Variants in P2RY12 observed in about 807,000 individuals in gnomAD.
The protein encoded by P2RY12 is purinergic receptor P2Y12, also known as P2Y purinoceptor 12.
In P2RY12, 3 loss-of-function variants were observed where a neutral mutation model predicts 4.5. The ratio of observed to expected loss-of-function variants is 0.67; its 90% confidence interval spans 0.31 to 1.74. The LOEUF is 1.74. Among genes scored for constraint, P2RY12 ranks in the 40% most tolerant of loss-of-function variants. The probability of loss-of-function intolerance (pLI) is 0.09; values close to 1 mark genes in which losing one functional copy is unlikely to be tolerated. For missense variants in P2RY12, 356 were observed against 407.8 expected, an observed-to-expected ratio of 0.87 and a Z score of 1.09; for synonymous variants, 148 against 154.1, an observed-to-expected ratio of 0.96 and a Z score of 0.29.
chr3:151,379,553 A>G (rs1453725005), intron 1 of P2RY12, among the ~76,000 whole-genome samples: 1 of 152,202 alleles, frequency 6.6e-6, no homozygotes, highest in African/African-American at 2.4e-5. Flanking sequence ...GCTGCACACT[A>G]GGGGTCGCCA....
intron 1 of P2RY12, chr3:151,380,128 TCAA>T (rs1711991766): frequency 6.3e-7 from 1 of 1,598,342 alleles, no homozygotes; most frequent in African/African-American, 1.4e-5. Flanking sequence ...CTCTTTTGAG[TCAA>T]CAACCCTTCC....
intron 1 of P2RY12, among the ~76,000 whole-genome samples, chr3:151,366,845 A>G (rs1339323056): frequency 6.6e-6 from 1 of 152,074 alleles, no homozygotes; most frequent in Non-Finnish European, 1.5e-5. Flanking sequence ...TCTTTAATAT[A>G]GTTTCTTAAT....
intron 1 of P2RY12, chr3:151,367,877 G>A: frequency 8.1e-7 from 1 of 1,235,212 alleles, no homozygotes; most frequent in East Asian, 2.4e-5. Flanking sequence ...ATATTGGGAA[G>A]TGGTGTAGTA....
At chr3:151,382,956 A>AT (rs1306104303) in intron 1 of P2RY12, among the ~76,000 whole-genome samples, 1 of 152,132 alleles carries the variant, frequency 6.6e-6, no homozygotes, top group African/African-American at 2.4e-5. Flanking sequence ...AGTGCTAGGT[A>AT]TTTTAAGCAT....
intron 1 of P2RY12, chr3:151,365,810 T>C (rs1327896204): frequency 1.3e-6 from 2 of 1,530,780 alleles, no homozygotes; most frequent in East Asian, 2.3e-5. Flanking sequence ...ATTTCTCTTT[T>C]GTACAAGGTT....
At chr3:151,366,843 A>G (rs1295787128) in intron 1 of P2RY12, among the ~76,000 whole-genome samples, 2 of 152,142 alleles carry the variant, frequency 1.3e-5, no homozygotes, top group South Asian at 2.1e-4. Flanking sequence ...TATCTTTAAT[A>G]TAGTTTCTTA....
chr3:151,366,894 A>G (rs1233480221), intron 1 of P2RY12, among the ~76,000 whole-genome samples: 1 of 152,178 alleles, frequency 6.6e-6, no homozygotes, highest in Non-Finnish European at 1.5e-5. Context: ...TACCTTCTGC[A>G]ATTCCTCATC....
intron 1 of P2RY12, chr3:151,364,895 C>A (rs762546173): frequency 2.9e-5 from 27 of 947,184 alleles, no homozygotes; most frequent in Non-Finnish European, 3.9e-5. Context: ...CAGTTCCTGC[C>A]ATTTAATATG....
chr3:151,350,124 T>C lies in P2RY12; in HGVS notation c.-179-9364A>G, dbSNP rs1413398477. ...TTCTCTATGGAGTCGGCAAAGAGCG[T>C]GATGAAGCAAGGCATCAGCTGAAGA... On this transcript the variant is annotated intron_variant, in intron 1 of 2. Coordinates refer to ENST00000302632, the MANE Select transcript of P2RY12 (RefSeq NM_022788.5). The C allele has an allele frequency of 1.9e-6, 3 of 1,613,580 alleles. No homozygotes were observed. In the African/African-American group the frequency reaches 4.0e-5, roughly 22 times the overall value.
At chr3:151,363,752 C>A (rs1274534619) in intron 1 of P2RY12, among the ~76,000 whole-genome samples, 1 of 152,132 alleles carries the variant, frequency 6.6e-6, no homozygotes, top group Admixed American at 6.6e-5. Context: ...TGTGGGAGAT[C>A]TTGTTACACA....
rs1380964632 is a variant in P2RY12 at position 151,357,306 on chromosome 3, G to A, written c.-179-16546C>T. On this transcript the variant is annotated intron_variant, in intron 1 of 2. Coordinates refer to ENST00000302632, the MANE Select transcript of P2RY12 (RefSeq NM_022788.5). The stretch of plus-strand genomic sequence containing the variant: ...TACAACAGGACTGTGTGTCTGCATC[G>A]TGGCTGTTCTCAGGCGCTATCACAG... 11 of 1,613,840 alleles carry A rather than the reference G, an allele frequency of 6.8e-6. No individual in the cohort carries two copies. The East Asian group carries it at 1.1e-4, about 16-fold the overall frequency.
chr3:151,338,430 A>T lies in P2RY12; in HGVS notation c.416T>A (p.Leu139Ter). ...GACAACAGAGAGAATCTTAGCCCCC[A>T]AGAGATTTTTGGGGTTGGATGTTTT... Reference protein sequence around the residue: ...PFKTSNPKNLLGAKILSVVIW... With the variant: ...PFKTSNPKNL The change falls in exon 3 of 3, where the codon TTG becomes TAG. Residue 139 changes from leucine (L) to a stop codon, truncating the protein, a stop_gained. Transcript: ENST00000302632. LOFTEE classifies it high-confidence loss of function. 1.2e-6 allele frequency: 2 copies of T among 1,614,080 alleles called. No homozygotes were observed. Among genetic ancestry groups the T allele is most frequent in the Non-Finnish European group, 1.7e-6 (2 of 1,180,016 alleles).
intron 1 of P2RY12, among the ~76,000 whole-genome samples, chr3:151,345,517 CTTTTTTT>C (rs201731496): frequency 0.055 from 7,300 of 131,656 alleles, 198 homozygotes; most frequent in East Asian, 0.13. Flanking sequence ...TTTTCTTTTT[CTTTTTTT>C]TTTTTTTTTT....
intron 1 of P2RY12, among the ~76,000 whole-genome samples, chr3:151,362,365 CTG>C (rs1754717991): frequency 6.6e-6 from 1 of 152,082 alleles, no homozygotes; most frequent in Non-Finnish European, 1.5e-5. Flanking sequence ...CCCTTTCCCT[CTG>C]TTTATTGTGG....
chr3:151,366,542 T>G (rs1388623), intron 1 of P2RY12, among the ~76,000 whole-genome samples: 116,158 of 152,118 alleles, frequency 0.76, 45,028 homozygotes, highest in African/African-American at 0.89. Flanking sequence ...TCCTTGGATA[T>G]CATGTTGCAT....
At chr3:151,339,743 G>T (rs554705948) in intron 2 of P2RY12, among the ~76,000 whole-genome samples, 1 of 151,862 alleles carries the variant, frequency 6.6e-6, no homozygotes, top group African/African-American at 2.4e-5. Flanking sequence ...AGTGTGTAAT[G>T]GTAGCTAAAA....
At chr3:151,360,531 A>G (rs1232931689) in intron 1 of P2RY12, 2 of 1,612,926 alleles carry the variant, frequency 1.2e-6, no homozygotes, top group Non-Finnish European at 1.7e-6. Context: ...CCCCTGAAAG[A>G]TGCATTTTAG....
chr3:151,365,239 C>T (rs1472974291), intron 1 of P2RY12: 4 of 1,559,716 alleles, frequency 2.6e-6, no homozygotes, highest in African/African-American at 2.7e-5. Context: ...TCATGATTAA[C>T]CAAAGAGTTG....
At chr3:151,380,191 C>T (rs1210921859) in intron 1 of P2RY12, 2 of 1,609,458 alleles carry the variant, frequency 1.2e-6, no homozygotes, top group African/African-American at 2.7e-5. Flanking sequence ...AAAGGGAAGG[C>T]CTCCTAACAT....
Sources: allele counts gnomAD v4.1 joint callset (sites outside exome capture counted in the v4.1 genomes callset), GRCh38; gene constraint gnomAD v4.1.1; transcripts MANE v1.5; gene names NCBI Gene and HGNC (gene_info 2026-07-23, HGNC 2026-07-21).